Variants in CCDC14 observed in about 807,000 individuals in gnomAD.
CCDC14 encodes coiled-coil domain containing 14.
Under a neutral mutation model 81.4 loss-of-function variants are expected in CCDC14, and 71 were observed. That is an observed-to-expected ratio of 0.87 (90% CI 0.72 to 1.06). The LOEUF (loss-of-function observed/expected upper bound fraction) is 1.06. Among genes scored for constraint, CCDC14 ranks in the 50% least tolerant of loss-of-function variants. The pLI, the probability that CCDC14 is intolerant of heterozygous loss-of-function variation, is 0.00. For synonymous variants in CCDC14, 332 were observed against 364.8 expected, an observed-to-expected ratio of 0.91 and a Z score of 1.03; for missense variants, 1,046 against 1,047.3, an observed-to-expected ratio of 1.00 and a Z score of 0.02.
chr3:123,950,169 C>G (rs1305139973), intron 5 of CCDC14, among the ~76,000 whole-genome samples: 2 of 152,114 alleles, frequency 1.3e-5, no homozygotes, highest in Non-Finnish European at 2.9e-5. Context: ...TGAAAATATT[C>G]TGGTAAATCA....
intron 5 of CCDC14, among the ~76,000 whole-genome samples, chr3:123,952,181 T>G (rs985827821): frequency 1.5e-4 from 23 of 152,214 alleles, no homozygotes; most frequent in Admixed American, 1.5e-3. Context: ...AGTATTCATT[T>G]ACTCAGTCCA....
At chr3:123,958,186 T>C (rs1326581698) in intron 1 of CCDC14, 1 of 152,102 alleles carries the variant, frequency 6.6e-6, no homozygotes, top group Non-Finnish European at 1.5e-5. Flanking sequence ...TCAGGGTCCT[T>C]CCCTTTGGTA....
intron 12 of CCDC14, among the ~76,000 whole-genome samples, chr3:123,920,345 G>C (rs770670217): frequency 1.5e-4 from 23 of 152,162 alleles, no homozygotes; most frequent in Non-Finnish European, 2.9e-4. Context: ...GAAAATAATG[G>C]CTGAAAATTC....
Position 123,956,134 on chromosome 3 carries a change from T to C in CCDC14, c.160-19A>G. ...TTTCAGCCTGTAAGAAATAAAGTCA[T>C]TTAGAATACATTTGTATATGACTGT... On this transcript the variant is annotated intron_variant, in intron 3 of 12. Transcript: ENST00000409697. 1 of 1,530,776 alleles carries C rather than the reference T, an allele frequency of 6.5e-7. No homozygotes were observed. Among genetic ancestry groups the C allele is most frequent in the Non-Finnish European group, 8.8e-7 (1 of 1,138,364 alleles). The allele number at this position is 1,530,776 out of a possible 1,614,324, so 94.8% of individuals were successfully genotyped here.
chr3:123,916,219 A>G (rs2682256), intron 12 of CCDC14, among the ~76,000 whole-genome samples: 34,222 of 151,568 alleles, frequency 0.23, 8,539 homozygotes, highest in East Asian at 0.78. Flanking sequence ...GGCTGGTCTT[A>G]AACTCCTGGC....
chr3:123,946,888 C>T lies in CCDC14; in HGVS notation c.1116G>A (p.Lys372=), dbSNP rs779254154. The part of the protein sequence containing the change: ...RDTKTVKDVQ[K]AKNVNKTAEK... ...CAGCTGTCTTGTTCACATTTTTTGC[C>T]TTCTGTACATCCTTCACTGTTTTTG... The change falls in exon 8 of 13, where the codon AAG becomes AAA. Residue 372 remains lysine (K), a synonymous_variant. Transcript: ENST00000409697. The T allele has an allele frequency of 3.7e-6, 6 of 1,613,788 alleles. No individual in the cohort carries two copies. The East Asian group carries it at 1.3e-4, about 36-fold the overall frequency.
chr3:123,899,065 T>C (rs1397329081), intron 5 of CCDC14, among the ~76,000 whole-genome samples: 2 of 152,144 alleles, frequency 1.3e-5, no homozygotes, highest in Admixed American at 1.3e-4. Flanking sequence ...TTTATAATTG[T>C]TTATTAACAA....
Position 123,944,946 on chromosome 3 carries a change from T to C in CCDC14, c.1246A>G (p.Ile416Val). 4 of 1,609,754 alleles carry C rather than the reference T, an allele frequency of 2.5e-6. No individual in the cohort carries two copies. The highest frequency in any genetic ancestry group is 3.4e-6 in the Non-Finnish European group (4 of 1,176,888). ...QRLITEMEAC[I>V]SVLPTVSGNT... ...CCACTTACTGTTGGAAGTACAGATATACATGCCTCCATTTCTGTAATCAAC... is the reference window on the plus strand; with the variant it reads ...CCACTTACTGTTGGAAGTACAGATACACATGCCTCCATTTCTGTAATCAAC... The change falls in exon 9 of 13, where the codon ATA becomes GTA. Residue 416 changes from isoleucine (I) to valine (V), a missense_variant. Ile to Val is a conservative substitution (Grantham distance 29). Transcript: ENST00000409697.
At chr3:123,939,851 G>C (rs1209565431) in intron 9 of CCDC14, among the ~76,000 whole-genome samples, 1 of 151,816 alleles carries the variant, frequency 6.6e-6, no homozygotes, top group Non-Finnish European at 1.5e-5. Context: ...TTACGAGGAA[G>C]TAAGAAAAGG....
chr3:123,952,444 A>G (rs1044616377), intron 5 of CCDC14: 1 of 285,704 alleles, frequency 3.5e-6, no homozygotes, highest in African/African-American at 2.2e-5. Context: ...AAATCATGAA[A>G]GCATTCAACA....
At chr3:123,900,487 A>G (rs1306868403) in intron 5 of CCDC14, among the ~76,000 whole-genome samples, 3 of 152,208 alleles carry the variant, frequency 2.0e-5, no homozygotes. Context: ...ACAGTCTTAG[A>G]AAGGTGTATA....
At chr3:123,898,632 A>T (rs950405777) in intron 5 of CCDC14, among the ~76,000 whole-genome samples, 1 of 152,136 alleles carries the variant, frequency 6.6e-6, no homozygotes, top group African/African-American at 2.4e-5. Context: ...GATGAATCCT[A>T]AACAGGTGTG....
At chr3:123,892,494 C>T (rs2034003972), downstream of CCDC14, among the ~76,000 whole-genome samples, 1 of 152,222 alleles carries the variant, frequency 6.6e-6, no homozygotes, top group African/African-American at 2.4e-5. Context: ...GAGACATTTT[C>T]TCCATTGTCT....
At chr3:123,923,093 G>A (rs1321939840) in intron 12 of CCDC14, among the ~76,000 whole-genome samples, 7 of 151,882 alleles carry the variant, frequency 4.6e-5, no homozygotes, top group Non-Finnish European at 1.0e-4. Context: ...CAATTAAAGG[G>A]GATTTACATT....
intron 9 of CCDC14, among the ~76,000 whole-genome samples, chr3:123,940,321 CTCTTTT>C (rs2036282447): frequency 1.3e-5 from 2 of 151,876 alleles, no homozygotes; most frequent in Non-Finnish European, 1.5e-5. Flanking sequence ...CACTTTTCTT[CTCTTTT>C]TCTTTTTCTT....
At chr3:123,932,363 C>A (rs1300142580) in intron 10 of CCDC14, among the ~76,000 whole-genome samples, 2 of 152,158 alleles carry the variant, frequency 1.3e-5, no homozygotes, top group Admixed American at 6.6e-5. Context: ...AGTGGAGACA[C>A]AGTGATAATT....
intron 12 of CCDC14, among the ~76,000 whole-genome samples, chr3:123,923,893 G>C (rs2035199651): frequency 6.7e-6 from 1 of 149,624 alleles, no homozygotes; most frequent in East Asian, 1.9e-4. Context: ...AAATTCAACA[G>C]AATTCCTATC....
downstream of CCDC14, chr3:123,913,372 T>C: frequency 1.0e-6 from 1 of 984,054 alleles, no homozygotes; most frequent in Non-Finnish European, 1.2e-6. Flanking sequence ...AAGATTTTAC[T>C]TTTGCATATG....
At chr3:123,959,896 T>G (rs2037571562) in intron 1 of CCDC14, among the ~76,000 whole-genome samples, 1 of 152,208 alleles carries the variant, frequency 6.6e-6, no homozygotes, top group Non-Finnish European at 1.5e-5. Flanking sequence ...TGTATAATAT[T>G]TCCTTCAGTG....
Sources: gnomAD v4.1 joint callset for allele counts (sites outside exome capture counted in the v4.1 genomes callset) on GRCh38, gnomAD v4.1.1 for gene constraint, MANE v1.5 for transcripts, NCBI Gene and HGNC (gene_info 2026-07-23, HGNC 2026-07-21) for gene names.